FYN: variants seen among roughly 807,000 people sequenced by gnomAD.
FYN encodes the protein tyrosine-protein kinase Fyn.
In FYN, 10 loss-of-function variants were observed where a neutral mutation model predicts 70.2. That is an observed-to-expected ratio of 0.14 (90% confidence interval 0.09 to 0.24). FYN has a LOEUF of 0.24. FYN is among the 10% of genes least tolerant of loss of function. The pLI, the probability that FYN is intolerant of heterozygous loss-of-function variation, is 1.00. For missense variants in FYN, 319 were observed against 673.1 expected (o/e 0.47, Z 5.82); for synonymous variants, 236 against 248.6 (o/e 0.95, Z 0.48).
chr6:111,759,751 T>C (rs997713952), intron 3 of FYN: 21 of 152,222 alleles, frequency 1.4e-4, no homozygotes, highest in African/African-American at 2.4e-4. Flanking sequence ...CCCACCTACA[T>C]TGAAAGCTCC....
At chr6:111,844,138 A>T (rs1773449278) in intron 2 of FYN, among the ~76,000 whole-genome samples, 1 of 152,220 alleles carries the variant, frequency 6.6e-6, no homozygotes, top group Non-Finnish European at 1.5e-5. Context: ...GTGAAGTGTA[A>T]CATAGATGAT....
chr6:111,693,607 C>T (rs904700022), intron 12 of FYN, among the ~76,000 whole-genome samples: 6 of 152,168 alleles, frequency 3.9e-5, no homozygotes, highest in South Asian at 2.1e-4. Flanking sequence ...TACTTAAAGG[C>T]TAATTTCTAT....
intron 5 of FYN, among the ~76,000 whole-genome samples, chr6:111,713,165 C>T (rs17072845): frequency 0.11 from 16,431 of 152,170 alleles, 1,519 homozygotes; most frequent in African/African-American, 0.25. Context: ...TGTTGAAAGG[C>T]GGCATATTCT....
At chr6:111,855,086 A>G (rs1477775448) in intron 1 of FYN, among the ~76,000 whole-genome samples, 2 of 152,230 alleles carry the variant, frequency 1.3e-5, no homozygotes, top group Non-Finnish European at 2.9e-5. Context: ...ACTTTAATGT[A>G]TTAGCTTCAT....
At chr6:111,710,702 T>C (rs1009021074) in intron 5 of FYN, among the ~76,000 whole-genome samples, 2 of 152,208 alleles carry the variant, frequency 1.3e-5, no homozygotes, top group African/African-American at 4.8e-5. Context: ...TTGAGAGCCG[T>C]TGAGCGAGTG....
chr6:111,819,154 C>G (rs1772581198), intron 2 of FYN, among the ~76,000 whole-genome samples: 1 of 152,142 alleles, frequency 6.6e-6, no homozygotes, highest in Non-Finnish European at 1.5e-5. Context: ...CACAGAAACC[C>G]AGAGTGAGTT....
chr6:111,831,720 T>C (rs1773023402), intron 2 of FYN, among the ~76,000 whole-genome samples: 1 of 152,224 alleles, frequency 6.6e-6, no homozygotes, highest in Non-Finnish European at 1.5e-5. Flanking sequence ...CAAAACTGTC[T>C]GAATTCTGAA....
At position 111,682,932 on chromosome 6, in the gene FYN, A is replaced by G. The variant is rs1338243331; in HGVS notation, c.1274-8302T>C. Reference sequence around the variant, plus strand: ...TATTTTATTCAGATAGTAAAGGCCTAAAGTCCCTGAGTTGCACTGGCAAAT... The same window carrying G: ...TATTTTATTCAGATAGTAAAGGCCTGAAGTCCCTGAGTTGCACTGGCAAAT... On this transcript the variant is annotated intron_variant, in intron 12 of 13. Coordinates refer to ENST00000354650, the MANE Select transcript of FYN (RefSeq NM_002037.5). Among the ~76,000 whole-genome samples, 15 of 152,344 alleles carry G rather than the reference A, an allele frequency of 9.8e-5. No individual in the cohort carries two copies. In the Middle Eastern group the frequency reaches 0.01, roughly 104 times the overall value.
chr6:111,819,885 G>A (rs576663775), intron 2 of FYN: 2 of 152,258 alleles, frequency 1.3e-5, no homozygotes, highest in Non-Finnish European at 1.5e-5. Flanking sequence ...CAGAGGGTCT[G>A]GCGATAAGAC....
At chr6:111,857,006 G>C (rs574743861) in intron 1 of FYN, among the ~76,000 whole-genome samples, 1 of 152,280 alleles carries the variant, frequency 6.6e-6, no homozygotes, top group African/African-American at 2.4e-5. Flanking sequence ...ATGTCAAAGA[G>C]AGATGAAATG....
At position 111,767,289 on chromosome 6, in the gene FYN, T is replaced by C. The variant is rs118089903; in HGVS notation, c.-12+13277A>G. On this transcript the variant is annotated intron_variant, in intron 3 of 13. Transcript: ENST00000354650. ...AGTTAATTCCCTTAATATATAAAAATCAAAACATACCATGCCAGTAGAATA... is the reference window on the plus strand; with the variant it reads ...AGTTAATTCCCTTAATATATAAAAACCAAAACATACCATGCCAGTAGAATA... Among the ~76,000 whole-genome samples, 22 of 152,282 alleles carry C rather than the reference T, an allele frequency of 1.4e-4. No individual in the cohort carries two copies. In the East Asian group the frequency reaches 4.2e-3, roughly 29 times the overall value.
At chr6:111,742,177 T>C (rs887394162) in intron 3 of FYN, among the ~76,000 whole-genome samples, 4 of 152,250 alleles carry the variant, frequency 2.6e-5, no homozygotes, top group South Asian at 2.1e-4. Flanking sequence ...CTTTTTACTA[T>C]AGAAAATCTA....
Position 111,808,091 on chromosome 6 carries a change from G to A in FYN, c.-81-27456C>T, listed in dbSNP as rs547983920. The stretch of plus-strand genomic sequence containing the variant: ...CCATTGTACTCCAGCCTGGGCGATA[G>A]AGCAACACTCAGCCTCAAAAAAAAC... On this transcript the variant is annotated intron_variant, in intron 2 of 13. Coordinates refer to ENST00000354650, the MANE Select transcript of FYN (RefSeq NM_002037.5). 6.6e-5 allele frequency among the ~76,000 whole-genome samples: 10 copies of A among 152,150 alleles called. No individual in the cohort carries two copies. In the South Asian group the frequency reaches 1.9e-3, roughly 28 times the overall value.
intron 1 of FYN, among the ~76,000 whole-genome samples, chr6:111,850,513 C>T (rs1281411458): frequency 6.6e-6 from 1 of 152,174 alleles, no homozygotes; most frequent in African/African-American, 2.4e-5. Context: ...ATAAAATAGC[C>T]GTTTGATGCA....
At chr6:111,664,451 C>T (rs1408366595) in intron 13 of FYN, among the ~76,000 whole-genome samples, 1 of 152,184 alleles carries the variant, frequency 6.6e-6, no homozygotes, top group East Asian at 1.9e-4. Flanking sequence ...AAAAAACAAA[C>T]TACTCAAATG....
chr6:111,700,921 T>G (rs527829395), intron 8 of FYN, among the ~76,000 whole-genome samples: 2 of 152,096 alleles, frequency 1.3e-5, no homozygotes, highest in Non-Finnish European at 2.9e-5. Flanking sequence ...TTCTTCGCTT[T>G]CTAACTGATT....
chr6:111,754,081 GATA>G (rs1562506267), intron 3 of FYN, among the ~76,000 whole-genome samples: 1 of 152,180 alleles, frequency 6.6e-6, no homozygotes, highest in East Asian at 1.9e-4. Flanking sequence ...TAAATGCAAT[GATA>G]ATAAAATTTT....
At chr6:111,830,649 T>A (rs1410541945) in intron 2 of FYN, among the ~76,000 whole-genome samples, 1 of 152,092 alleles carries the variant, frequency 6.6e-6, no homozygotes, top group African/African-American at 2.4e-5. Context: ...TAAAAAGTTA[T>A]CAATATACTA....
chr6:111,746,874 A>G (rs1415942270), intron 3 of FYN, among the ~76,000 whole-genome samples: 1 of 152,112 alleles, frequency 6.6e-6, no homozygotes, highest in Non-Finnish European at 1.5e-5. Context: ...AGAGAGAATG[A>G]GAGACAGAGA....
Sources: gnomAD v4.1 joint callset for allele counts (sites outside exome capture counted in the v4.1 genomes callset) on GRCh38, gnomAD v4.1.1 for gene constraint, MANE v1.5 for transcripts, NCBI Gene and HGNC (gene_info 2026-07-23, HGNC 2026-07-21) for gene names.